TRHDE: variants seen among roughly 807,000 people sequenced by gnomAD.
TRHDE encodes the protein thyrotropin-releasing hormone-degrading ectoenzyme.
A neutral mutation model predicts 125.7 loss-of-function variants in TRHDE; 72 were observed. The ratio of observed to expected loss-of-function variants is 0.57; its 90% CI spans 0.47 to 0.70. TRHDE has a LOEUF of 0.70. TRHDE is among the 30% of genes least tolerant of loss of function. The pLI is 0.00. For missense variants in TRHDE, 1,110 were observed against 1,327.1 expected (o/e 0.84, Z 2.54); for synonymous variants, 509 against 509.1 (o/e 1.00, Z 0.00).
chr12:72,198,571 T>C lies in TRHDE; in HGVS notation n.279+92819T>C, dbSNP rs142322840. Among the ~76,000 whole-genome samples, 103 of 152,270 alleles carry C rather than the reference T, an allele frequency of 6.8e-4. 1 individual carries two copies. In the East Asian group the frequency reaches 0.016, roughly 24 times the overall value. On this transcript the variant is annotated intron_variant and non_coding_transcript_variant, in intron 2 of 4. Coordinates refer to the TRHDE transcript ENST00000548156. ...CAATGGATAGGTTAGCATTTTATAG[T>C]GAACTTTTGTTTTGTAGGAGCACTG...
At chr12:72,366,905 G>A (rs2135758342) in intron 2 of TRHDE, among the ~76,000 whole-genome samples, 1 of 152,154 alleles carries the variant, frequency 6.6e-6, no homozygotes, top group Admixed American at 6.6e-5. Flanking sequence ...TTTGACCTCA[G>A]TAAAGAAGTC....
intron 2 of TRHDE, among the ~76,000 whole-genome samples, chr12:72,182,726 A>AT (rs1216336272): frequency 1.3e-5 from 2 of 152,210 alleles, no homozygotes; most frequent in Non-Finnish European, 2.9e-5. Context: ...CCTGGATTCT[A>AT]TATGTCCAAA....
intron 10 of TRHDE, among the ~76,000 whole-genome samples, chr12:72,571,163 A>G (rs965824520): frequency 6.6e-6 from 1 of 152,198 alleles, no homozygotes; most frequent in Admixed American, 6.5e-5. Context: ...GGAAAAAAAG[A>G]TAAAAGATTG....
At chr12:72,293,570 G>A (rs1196987357) in intron 2 of TRHDE, among the ~76,000 whole-genome samples, 1 of 152,124 alleles carries the variant, frequency 6.6e-6, no homozygotes, top group African/African-American at 2.4e-5. Context: ...AAGTTCTCAA[G>A]TTTTGCATAC....
At chr12:72,636,054 C>T (rs1313281972) in intron 15 of TRHDE, among the ~76,000 whole-genome samples, 4 of 150,938 alleles carry the variant, frequency 2.7e-5, no homozygotes, top group African/African-American at 7.3e-5. Flanking sequence ...TCATTGGTAG[C>T]TTGATGGGGA....
intron 15 of TRHDE, among the ~76,000 whole-genome samples, chr12:72,644,935 C>G (rs1015000316): frequency 2.0e-5 from 3 of 152,190 alleles, no homozygotes; most frequent in Non-Finnish European, 4.4e-5. Context: ...CAGACAAAAC[C>G]ACAGCTACCT....
intron 3 of TRHDE, among the ~76,000 whole-genome samples, chr12:72,467,425 T>C (rs1876432889): frequency 6.6e-6 from 1 of 152,286 alleles, no homozygotes; most frequent in Admixed American, 6.5e-5. Context: ...CATATTTCCC[T>C]TTTTTTCGTG....
intron 6 of TRHDE, among the ~76,000 whole-genome samples, chr12:72,508,111 AG>A (rs1389311783): frequency 6.6e-6 from 1 of 152,234 alleles, no homozygotes; most frequent in Non-Finnish European, 1.5e-5. Flanking sequence ...AATCTGCTGC[AG>A]GGGCAGAGCC....
chr12:72,507,501 C>T (rs1188291127), intron 6 of TRHDE, among the ~76,000 whole-genome samples: 2 of 152,162 alleles, frequency 1.3e-5, no homozygotes, highest in South Asian at 2.1e-4. Flanking sequence ...TGGTATCTGG[C>T]GGAAGAAATT....
Position 72,619,008 on chromosome 12 carries a change from G to C in TRHDE, c.2439G>C (p.Leu813=). The C allele has an allele frequency of 6.4e-7, 1 of 1,568,300 alleles. No homozygotes were observed. Among genetic ancestry groups the C allele is most frequent in the Non-Finnish European group, 8.6e-7 (1 of 1,161,698 alleles). Residue 813 remains leucine, a synonymous_variant, in exon 13 of 19, where the codon CTG becomes CTC. Transcript: ENST00000261180. ...SRALYPLDKL[L]DRMENYNIFN... Reference sequence around the variant, plus strand: ...CTCTTTATCCTCTAGATAAATTACTGGACCGCATGGAAAACTACAACATTT... The same window carrying C: ...CTCTTTATCCTCTAGATAAATTACTCGACCGCATGGAAAACTACAACATTT...
At chr12:72,249,714 A>G (rs143377459) in intron 2 of TRHDE, among the ~76,000 whole-genome samples, 1 of 152,314 alleles carries the variant, frequency 6.6e-6, no homozygotes, top group East Asian at 1.9e-4. Flanking sequence ...AAAATACTTT[A>G]TAAATGCTCG....
At chr12:72,181,854 T>C (rs934867065) in intron 2 of TRHDE, among the ~76,000 whole-genome samples, 2 of 152,176 alleles carry the variant, frequency 1.3e-5, no homozygotes, top group African/African-American at 2.4e-5. Flanking sequence ...GTGCTGTCCA[T>C]GGCTGTAATA....
At chr12:72,332,875 C>T (rs1177395339) in intron 2 of TRHDE, among the ~76,000 whole-genome samples, 2 of 152,156 alleles carry the variant, frequency 1.3e-5, no homozygotes, top group East Asian at 3.9e-4. Flanking sequence ...AATCAGAATC[C>T]ACATTTAAAC....
intron 7 of TRHDE, among the ~76,000 whole-genome samples, chr12:72,556,400 A>G (rs1869923815): frequency 6.6e-6 from 1 of 152,242 alleles, no homozygotes; most frequent in South Asian, 2.1e-4. Context: ...TAAGAACTAA[A>G]GTAGACTCAG....
chr12:72,207,355 G>C (rs1179990659), intron 2 of TRHDE, among the ~76,000 whole-genome samples: 1 of 152,098 alleles, frequency 6.6e-6, no homozygotes, highest in East Asian at 1.9e-4. Flanking sequence ...CAAGCTCAGT[G>C]GGACAATTAA....
At chr12:72,622,589 C>T (rs1443090422) in intron 15 of TRHDE, among the ~76,000 whole-genome samples, 1 of 151,980 alleles carries the variant, frequency 6.6e-6, no homozygotes, top group African/African-American at 2.4e-5. Flanking sequence ...TTATGTGCAA[C>T]AGCGGGGTTG....
At chr12:72,166,838 G>T (rs537869207) in intron 2 of TRHDE, among the ~76,000 whole-genome samples, 2 of 151,996 alleles carry the variant, frequency 1.3e-5, no homozygotes, top group African/African-American at 4.8e-5. Flanking sequence ...TCCTCCCAAT[G>T]GGCAGAACAT....
At chr12:72,112,532 A>G (rs555627371) in intron 2 of TRHDE, among the ~76,000 whole-genome samples, 47 of 152,350 alleles carry the variant, frequency 3.1e-4, no homozygotes, top group South Asian at 1.2e-3. Context: ...ACCACCTATT[A>G]AATAAGTAAA....
At chr12:72,524,688 T>C (rs1489828844) in intron 6 of TRHDE, among the ~76,000 whole-genome samples, 3 of 152,274 alleles carry the variant, frequency 2.0e-5, no homozygotes, top group East Asian at 3.9e-4. Flanking sequence ...CAGCCTCTTA[T>C]GCGAGCCCAT....
Sources: gnomAD v4.1 joint callset for allele counts (sites outside exome capture counted in the v4.1 genomes callset) on GRCh38, gnomAD v4.1.1 for gene constraint, MANE v1.5 for transcripts, NCBI Gene and HGNC (gene_info 2026-07-23, HGNC 2026-07-21) for gene names.